Variants in SUGCT observed in about 807,000 individuals in gnomAD.
SUGCT encodes succinyl-CoA:glutarate CoA-transferase.
SUGCT carries 41 observed loss-of-function variants against 55.0 expected under a neutral mutation model. The ratio of observed to expected loss-of-function variants is 0.74; its 90% confidence interval spans 0.58 to 0.97. The LOEUF (loss-of-function observed/expected upper bound fraction) is 0.97. Ranked by LOEUF, SUGCT falls within the 50% of genes least tolerant of loss-of-function variation. The probability of loss-of-function intolerance (pLI) is 0.00; values close to 1 mark genes in which losing one functional copy is unlikely to be tolerated. For synonymous variants in SUGCT, 187 were observed against 200.4 expected (o/e 0.93, Z 0.56); for missense variants, 568 against 547.8 (o/e 1.04, Z -0.37).
intron 13 of SUGCT, among the ~76,000 whole-genome samples, chr7:40,775,287 C>T (rs916625955): frequency 1.1e-4 from 17 of 152,362 alleles, no homozygotes; most frequent in African/African-American, 3.1e-4. Context: ...TTTCCAATTA[C>T]GTACCCTGAC....
At chr7:40,322,129 A>C (rs967429570) in intron 9 of SUGCT, among the ~76,000 whole-genome samples, 10 of 152,226 alleles carry the variant, frequency 6.6e-5, no homozygotes, top group African/African-American at 2.4e-4. Flanking sequence ...TTTATAGATG[A>C]AATGTACCCA....
chr7:40,274,645 C>CTG lies in SUGCT; in HGVS notation c.711_712dup (p.Ser238CysfsTer11), dbSNP rs752031086. ...AGGACTGTTCATTGATTGTAACCTACTGTCATCCCAGGTAACAATCCAACT... is the reference window on the plus strand; with the variant it reads ...AGGACTGTTCATTGATTGTAACCTACTGTGTCATCCCAGGTAACAATCCAACT... On this transcript the variant is annotated frameshift_variant, in exon 8 of 14. Coordinates refer to ENST00000335693, the MANE Select transcript of SUGCT (RefSeq NM_001193313.2). LOFTEE classifies it high-confidence loss of function. The CTG allele has an allele frequency of 6.2e-7, 1 of 1,613,366 alleles. No homozygotes were observed. The highest frequency in any genetic ancestry group is 1.7e-5 in the Admixed American group (1 of 59,974).
the SUGCT span, among the ~76,000 whole-genome samples, chr7:40,905,800 C>T: frequency 3.3e-5 from 5 of 151,550 alleles, no homozygotes; most frequent in African/African-American, 1.2e-4. Flanking sequence ...TTCATTGCAG[C>T]CTCAAATTCC....
At chr7:40,439,074 A>ATGTGTG (rs746023700) in intron 9 of SUGCT, among the ~76,000 whole-genome samples, 7,660 of 82,436 alleles carry the variant, frequency 0.093, 1,109 homozygotes, top group Non-Finnish European at 0.12. Context: ...GTATATATAT[A>ATGTGTG]TATATATATA....
At chr7:40,352,700 C>T (rs1002848527) in intron 9 of SUGCT, among the ~76,000 whole-genome samples, 1 of 152,018 alleles carries the variant, frequency 6.6e-6, no homozygotes, top group Non-Finnish European at 1.5e-5. Context: ...TTAGGTTGAT[C>T]CCATGTTTTT....
intron 12 of SUGCT, among the ~76,000 whole-genome samples, chr7:40,601,738 C>G (rs553292286): frequency 7.0e-6 from 1 of 143,248 alleles, no homozygotes; most frequent in Non-Finnish European, 1.5e-5. Context: ...AATGTGAGGA[C>G]TTTTTTTTTT....
the SUGCT span, among the ~76,000 whole-genome samples, chr7:40,973,406 C>G: frequency 6.6e-6 from 1 of 152,196 alleles, no homozygotes; most frequent in East Asian, 1.9e-4. Flanking sequence ...CTACCCTTCC[C>G]TGGGGACTTT....
intron 13 of SUGCT, among the ~76,000 whole-genome samples, chr7:40,759,144 G>A (rs1213584332): frequency 6.6e-6 from 1 of 152,168 alleles, no homozygotes; most frequent in Non-Finnish European, 1.5e-5. Flanking sequence ...GACTAATTCT[G>A]CTTTCTCTTT....
chr7:40,964,143 T>A, the SUGCT span, among the ~76,000 whole-genome samples: 1 of 152,242 alleles, frequency 6.6e-6, no homozygotes, highest in Non-Finnish European at 1.5e-5. Context: ...ACTTCTCTAT[T>A]CATTTTGTAT....
At position 40,430,573 on chromosome 7, in the gene SUGCT, G is replaced by C. The variant is rs191772048; in HGVS notation, c.817-18714G>C. Among the ~76,000 whole-genome samples, 143 of 152,262 alleles carry C rather than the reference G, an allele frequency of 9.4e-4. 2 individuals are homozygous for C. The highest frequency in any genetic ancestry group is 2.4e-4 in the Non-Finnish European group (16 of 68,030). On this transcript the variant is annotated intron_variant, in intron 9 of 13. Transcript: ENST00000335693. ...AATTTTAGATCTTAACCTCTTATCA[G>C]ATATATGTTTTGCATAGATTGTTTT... is the stretch of plus-strand genomic sequence containing the variant.
chr7:40,980,161 G>A, the SUGCT span, among the ~76,000 whole-genome samples: 1 of 152,044 alleles, frequency 6.6e-6, no homozygotes, highest in South Asian at 2.1e-4. Context: ...AAGAGAGAGA[G>A]AGAGAGACAG....
At chr7:40,484,330 A>G (rs771723531) in intron 11 of SUGCT, among the ~76,000 whole-genome samples, 11 of 152,172 alleles carry the variant, frequency 7.2e-5, no homozygotes, top group East Asian at 1.9e-4. Flanking sequence ...GAATCAGTTC[A>G]TAAAATCGTT....
rs145193138 is a variant in SUGCT at position 40,142,952 on chromosome 7, C to T, written c.100+7832C>T. Among the ~76,000 whole-genome samples the T allele has an allele frequency of 3.9e-3, 599 of 152,266 alleles. 4 individuals are homozygous for T. Among genetic ancestry groups the T allele is most frequent in the African/African-American group, 0.014 (576 of 41,550 alleles). On this transcript the variant is annotated intron_variant, in intron 1 of 13. Transcript: ENST00000335693. ...CAATCTACATTTTTATTAATTGTCACCCACCAAAATATTGACTCAAATTCT... is the reference window on the plus strand; with the variant it reads ...CAATCTACATTTTTATTAATTGTCATCCACCAAAATATTGACTCAAATTCT...
chr7:40,613,872 G>C (rs1249970507), intron 12 of SUGCT, among the ~76,000 whole-genome samples: 1 of 152,178 alleles, frequency 6.6e-6, no homozygotes, highest in African/African-American at 2.4e-5. Flanking sequence ...CTCCCGAAGT[G>C]CTGTGATTAC....
At chr7:40,355,336 C>A (rs919356753) in intron 9 of SUGCT, among the ~76,000 whole-genome samples, 1 of 152,200 alleles carries the variant, frequency 6.6e-6, no homozygotes, top group Non-Finnish European at 1.5e-5. Flanking sequence ...ATATCTCATT[C>A]ATCTTTCAGA....
intron 9 of SUGCT, among the ~76,000 whole-genome samples, chr7:40,446,575 T>C (rs1036795213): frequency 1.3e-5 from 2 of 152,202 alleles, no homozygotes; most frequent in African/African-American, 2.4e-5. Context: ...TTAATAGCAT[T>C]CCTTACCAAA....
Position 40,237,689 on chromosome 7 carries a change from C to T in SUGCT, c.539C>T (p.Ser180Leu), listed in dbSNP as rs201433905. ...SQRAGYDAVA[S>L]AVSGLMHITG... Reference sequence around the variant, plus strand: ...CGAGCTGGTTATGATGCTGTTGCCTCGGCTGTTTCTGGTCTGATGCACATC... The same window carrying T: ...CGAGCTGGTTATGATGCTGTTGCCTTGGCTGTTTCTGGTCTGATGCACATC... The change falls in exon 7 of 14, where the codon TCG becomes TTG. Residue 180 changes from serine to leucine, a missense_variant. Coordinates refer to ENST00000335693, the MANE Select transcript of SUGCT (RefSeq NM_001193313.2). 5.6e-5 allele frequency: 90 copies of T among 1,613,886 alleles called. No homozygotes were observed. Among genetic ancestry groups the T allele is most frequent in the East Asian group, 3.8e-4 (17 of 44,878 alleles).
At chr7:41,023,092 A>T in the SUGCT span, among the ~76,000 whole-genome samples, 1 of 152,118 alleles carries the variant, frequency 6.6e-6, no homozygotes, top group South Asian at 2.1e-4. Context: ...CCAGTTTGGG[A>T]TGGAAATGCT....
intron 9 of SUGCT, among the ~76,000 whole-genome samples, chr7:40,395,489 CAAAAA>C (rs36068766): frequency 6.5e-5 from 3 of 46,132 alleles, no homozygotes; most frequent in Non-Finnish European, 8.7e-5. Context: ...AACTCTGTCT[CAAAAA>C]AAAAAAAAAA....
Sources: gnomAD v4.1 joint callset for allele counts (sites outside exome capture counted in the v4.1 genomes callset) on GRCh38, gnomAD v4.1.1 for gene constraint, MANE v1.5 for transcripts, NCBI Gene and HGNC (gene_info 2026-07-23, HGNC 2026-07-21) for gene names.